WDR49: variants seen among roughly 807,000 people sequenced by gnomAD.
WDR49 encodes the protein WD repeat domain 49, also known as cilia- and flagella-associated protein 337.
In WDR49, 107 loss-of-function variants were observed where a neutral mutation model predicts 119.5. The observed-to-expected ratio is 0.90, with a 90% CI of 0.77 to 1.05. The LOEUF is 1.05. Among genes scored for constraint, WDR49 ranks in the 50% least tolerant of loss-of-function variants. The pLI is 0.00. For missense variants in WDR49, 1,240 were observed against 1,220.5 expected (o/e 1.02, Z -0.24); for synonymous variants, 425 against 418.8 (o/e 1.01, Z -0.18).
In WDR49 at chr3:167,505,243, T is replaced by C. The variant is rs552224121; in HGVS notation, c.2884+64A>G. 5.3e-6 allele frequency: 7 copies of C among 1,332,566 alleles called. No homozygotes were observed. In the East Asian group the frequency reaches 1.8e-4, roughly 35 times the overall value. The allele number at this position is 1,332,566 out of a possible 1,614,324, so 82.5% of individuals were successfully genotyped here. On this transcript the variant is annotated intron_variant, in intron 17 of 18. Transcript: ENST00000682715. ...ACATTCCTGACACACAGAGTAGACA[T>C]TTGTATTCACACTAATCTGTTAAAT...
At chr3:167,556,935 G>A (rs1019344987) in intron 9 of WDR49, among the ~76,000 whole-genome samples, 1 of 152,192 alleles carries the variant, frequency 6.6e-6, no homozygotes. Context: ...TGAAGCAGGA[G>A]AATAGCTTGA....
At chr3:167,549,755 T>C (rs1712437201) in intron 10 of WDR49, among the ~76,000 whole-genome samples, 1 of 152,222 alleles carries the variant, frequency 6.6e-6, no homozygotes, top group Non-Finnish European at 1.5e-5. Context: ...GTTTTAGTCA[T>C]GAAGTCCTTG....
At chr3:167,655,683 A>G (rs748833333), upstream of WDR49, among the ~76,000 whole-genome samples, 5 of 152,174 alleles carry the variant, frequency 3.3e-5, no homozygotes, top group Non-Finnish European at 5.9e-5. Context: ...AGATCACTTG[A>G]GGTCAGGAGT....
At chr3:167,638,311 G>A (rs1462349095) in intron 2 of WDR49, among the ~76,000 whole-genome samples, 2 of 151,458 alleles carry the variant, frequency 1.3e-5, no homozygotes, top group Non-Finnish European at 3.0e-5. Flanking sequence ...TAACCTGCTA[G>A]TTTTATCAAC....
At chr3:167,625,224 A>T (rs1281838693) in intron 3 of WDR49, among the ~76,000 whole-genome samples, 2 of 152,038 alleles carry the variant, frequency 1.3e-5, no homozygotes, top group Non-Finnish European at 2.9e-5. Context: ...ACATTTTGTC[A>T]TACCACGAAA....
At chr3:167,529,946 A>G (rs1297343157) in intron 13 of WDR49, among the ~76,000 whole-genome samples, 5 of 152,050 alleles carry the variant, frequency 3.3e-5, no homozygotes, top group African/African-American at 1.2e-4. Flanking sequence ...TGTACTGCCA[A>G]TAAACAATCA....
At position 167,478,729 on chromosome 3, in the gene WDR49, A is replaced by G. The variant is rs1472297779; in HGVS notation, c.*149T>C. ...ATTAAGAATACAGAGAAATTGACAG[A>G]TGATAGATAAAAGCAGTACTAAATT... is the stretch of plus-strand genomic sequence containing the variant. On this transcript the variant is annotated 3_prime_UTR_variant, in exon 19 of 19. Coordinates refer to ENST00000682715, the MANE Select transcript of WDR49 (RefSeq NM_001366157.1). 5 of 468,758 alleles carry G rather than the reference A, an allele frequency of 1.1e-5. No individual in the cohort carries two copies. The highest frequency in any genetic ancestry group is 1.8e-5 in the Non-Finnish European group (5 of 271,520). 29.0% of individuals were successfully genotyped at this position (468,758 alleles called of 1,614,324 possible).
At chr3:167,570,810 G>A (rs1713892051) in intron 8 of WDR49, among the ~76,000 whole-genome samples, 2 of 152,168 alleles carry the variant, frequency 1.3e-5, no homozygotes, top group South Asian at 2.1e-4. Context: ...AGCCAAGGCA[G>A]GTGGATCACG....
intron 7 of WDR49, among the ~76,000 whole-genome samples, chr3:167,582,793 A>G (rs1714606346): frequency 6.6e-6 from 1 of 152,144 alleles, no homozygotes; most frequent in Admixed American, 6.5e-5. Context: ...CTAAAACTAC[A>G]AAAAAGTAGT....
At chr3:167,480,763 C>T (rs1039694965) in intron 18 of WDR49, among the ~76,000 whole-genome samples, 4 of 152,108 alleles carry the variant, frequency 2.6e-5, no homozygotes, top group African/African-American at 9.7e-5. Flanking sequence ...TATACGAAGG[C>T]CAGCAGCAGC....
At chr3:167,511,998 T>G (rs1259276324) in intron 16 of WDR49, among the ~76,000 whole-genome samples, 4 of 152,196 alleles carry the variant, frequency 2.6e-5, no homozygotes, top group Admixed American at 2.0e-4. Context: ...GGCCATGGTC[T>G]CTGGTTCAGT....
rs141571593 is a variant in WDR49, at chr3:167,562,208, T to C, written c.1510-1980A>G. On this transcript the variant is annotated intron_variant, in intron 8 of 18. Coordinates refer to ENST00000682715, the MANE Select transcript of WDR49 (RefSeq NM_001366157.1). ...TAATAAGGAAAAGAGTAATACAGTG[T>C]TTTTTGTCAGTTGGCTTGTAAAGAT... Among the ~76,000 whole-genome samples the C allele has an allele frequency of 8.7e-4, 133 of 152,248 alleles. 3 individuals are homozygous for C. The East Asian group carries it at 0.022, about 26-fold the overall frequency.
intron 2 of WDR49, among the ~76,000 whole-genome samples, chr3:167,638,778 A>G (rs1717737856): frequency 6.6e-6 from 1 of 151,590 alleles, no homozygotes; most frequent in Admixed American, 6.6e-5. Context: ...TATATTATCA[A>G]TTATTCAAGA....
chr3:167,489,040 T>C (rs1049111861), intron 18 of WDR49, among the ~76,000 whole-genome samples: 1 of 152,116 alleles, frequency 6.6e-6, no homozygotes, highest in African/African-American at 2.4e-5. Context: ...TATTATATTA[T>C]CTTGTTGTAT....
intron 9 of WDR49, among the ~76,000 whole-genome samples, chr3:167,556,061 C>A (rs2108266803): frequency 6.6e-6 from 1 of 152,216 alleles, no homozygotes; most frequent in Non-Finnish European, 1.5e-5. Flanking sequence ...TCTTAAGGGA[C>A]CACCATCGTA....
rs188282908 is a variant in WDR49, at chr3:167,546,498, G to A, written c.1823+8152C>T. On this transcript the variant is annotated intron_variant, in intron 10 of 18. Transcript: ENST00000682715. ...AATTTTAAGGCCATTTTAGGAGTCT[G>A]AGAGACTTGTTTTCCTGGCACTGAA... 1.1e-4 allele frequency among the ~76,000 whole-genome samples: 17 copies of A among 151,884 alleles called. No homozygotes were observed. The East Asian group carries it at 3.1e-3, about 28-fold the overall frequency.
chr3:167,532,068 G>A (rs1752869673), intron 12 of WDR49, among the ~76,000 whole-genome samples: 2 of 152,124 alleles, frequency 1.3e-5, no homozygotes, highest in South Asian at 4.1e-4. Context: ...GCAGGTCAGA[G>A]CTTTGTGTTT....
In WDR49 at chr3:167,478,730, T is replaced by C. The variant is rs73878717; in HGVS notation, c.*148A>G. 6.0e-3 allele frequency: 2,832 copies of C among 469,128 alleles called. 60 individuals carry two copies. The highest frequency in any genetic ancestry group is 0.049 in the African/African-American group (2,397 of 49,204). The allele number at this position is 469,128 out of a possible 1,614,324, so 29.1% of individuals were successfully genotyped here. ...TTAAGAATACAGAGAAATTGACAGA[T>C]GATAGATAAAAGCAGTACTAAATTA... On this transcript the variant is annotated 3_prime_UTR_variant, in exon 19 of 19. Coordinates refer to ENST00000682715, the MANE Select transcript of WDR49 (RefSeq NM_001366157.1).
intron 2 of WDR49, among the ~76,000 whole-genome samples, chr3:167,634,208 A>G (rs191085462): frequency 1.6e-4 from 25 of 152,076 alleles, no homozygotes; most frequent in African/African-American, 5.8e-4. Context: ...TGAGGTAATA[A>G]TTAGTACTCA....
Sources: gnomAD v4.1 joint callset for allele counts (sites outside exome capture counted in the v4.1 genomes callset) on GRCh38, gnomAD v4.1.1 for gene constraint, MANE v1.5 for transcripts, NCBI Gene and HGNC (gene_info 2026-07-23, HGNC 2026-07-21) for gene names.